The following EML6 variants were observed in gnomAD, a reference collection of about 807,000 sequenced individuals.
The protein encoded by EML6 is EMAP like 6.
Under a neutral mutation model 240.1 loss-of-function variants are expected in EML6, and 154 were observed. The ratio of observed to expected loss-of-function variants is 0.64; its 90% CI spans 0.56 to 0.73. The LOEUF (loss-of-function observed/expected upper bound fraction) is 0.73, where lower values mean the gene tolerates loss of function less well. EML6 is among the 30% of genes least tolerant of loss of function. The probability of loss-of-function intolerance (pLI) is 0.00; values close to 1 mark genes in which losing one functional copy is unlikely to be tolerated. For missense variants in EML6, 2,964 were observed against 2,474.6 expected, an observed-to-expected ratio of 1.20 and a Z score of -4.20; for synonymous variants, 1,148 against 899.0, an observed-to-expected ratio of 1.28 and a Z score of -4.95.
intron 24 of EML6, among the ~76,000 whole-genome samples, chr2:54,907,938 AG>A (rs1673422267): frequency 1.7e-5 from 1 of 58,586 alleles, no homozygotes; most frequent in Admixed American, 2.0e-4. Flanking sequence ...ATAGATAGAT[AG>A]ATAGATAAGA....
Position 54,967,066 on chromosome 2 carries a change from G to A in EML6, c.5560G>A (p.Val1854Met), listed in dbSNP as rs773601763. ...CCTGGGGAAGCAGGTAACTGAAGCC[G>A]TGGTCATTGAGAAGATCACCTGGGC... ...VPLGKQVTEA[V>M]VIEKITWASW... Residue 1854 changes from valine to methionine, a missense_variant, in exon 39 of 42, where the codon GTG becomes ATG. Physicochemically the swap from Val to Met is conservative, Grantham distance 21. Coordinates refer to ENST00000356458, the MANE Select transcript of EML6 (RefSeq NM_001039753.4). 4.1e-5 allele frequency: 63 copies of A among 1,551,320 alleles called. No homozygotes were observed. The highest frequency in any genetic ancestry group is 2.1e-4 in the African/African-American group (15 of 73,038).
chr2:54,961,184 G>GTTGTTTTTTTTTTTTTTTTTTTTTTT, intron 35 of EML6, among the ~76,000 whole-genome samples: 3,111 of 55,350 alleles, frequency 0.056, 1,190 homozygotes, highest in Middle Eastern at 0.068. Context: ...TCAGGAAGTA[G>GTTGTTTTTTTTTTTTTTTTTTTTTTT]TTTTTTTTTT....
intron 2 of EML6, among the ~76,000 whole-genome samples, chr2:54,811,415 A>G (rs1460484942): frequency 6.6e-6 from 1 of 152,288 alleles, no homozygotes; most frequent in East Asian, 1.9e-4. Flanking sequence ...CTTGTCTTTC[A>G]TATGAACTCG....
chr2:54,922,984 C>T (rs1269780493), intron 26 of EML6, among the ~76,000 whole-genome samples: 1 of 140,934 alleles, frequency 7.1e-6, no homozygotes, highest in Non-Finnish European at 1.5e-5. Flanking sequence ...TCTTGTTGCC[C>T]AGGCTGGAGT....
chr2:54,751,720 A>G (rs1162696073), intron 2 of EML6, among the ~76,000 whole-genome samples: 2 of 152,224 alleles, frequency 1.3e-5, no homozygotes, highest in East Asian at 3.9e-4. Flanking sequence ...GTTGGCACAC[A>G]GTAGCCTAAA....
At chr2:54,960,973 C>G (rs1440402876) in intron 35 of EML6, among the ~76,000 whole-genome samples, 3 of 152,024 alleles carry the variant, frequency 2.0e-5, no homozygotes, top group Admixed American at 6.6e-5. Context: ...CTCCAAACTT[C>G]TATTGAATAC....
intron 28 of EML6, among the ~76,000 whole-genome samples, chr2:54,937,477 T>G (rs1329959556): frequency 7.4e-6 from 1 of 135,400 alleles, no homozygotes; most frequent in Non-Finnish European, 1.5e-5. Context: ...CACTTGAGCC[T>G]GGGAGGTCAA....
At chr2:54,899,077 G>A (rs1322899034) in intron 21 of EML6, among the ~76,000 whole-genome samples, 4 of 152,156 alleles carry the variant, frequency 2.6e-5, no homozygotes, top group African/African-American at 7.2e-5. Flanking sequence ...GGGCTACACC[G>A]AGGACGCTTG....
chr2:54,818,057 GTTACTCTGCAT>G (rs2104087550), intron 4 of EML6, among the ~76,000 whole-genome samples: 1 of 152,198 alleles, frequency 6.6e-6, no homozygotes, highest in South Asian at 2.1e-4. Flanking sequence ...TTTTATCTGA[GTTACTCTGCAT>G]TTACTGCTTC....
intron 7 of EML6, among the ~76,000 whole-genome samples, chr2:54,832,855 A>G (rs1426963538): frequency 6.6e-6 from 1 of 152,098 alleles, no homozygotes; most frequent in East Asian, 1.9e-4. Flanking sequence ...CAGGCAGAGC[A>G]GTGTTAGACT....
chr2:54,776,814 T>A (rs890442199), intron 2 of EML6, among the ~76,000 whole-genome samples: 1 of 152,166 alleles, frequency 6.6e-6, no homozygotes, highest in Admixed American at 6.6e-5. Flanking sequence ...TACTGATACC[T>A]TGCTTTATAT....
At chr2:54,961,184 G>GTTGTTTTTTTTTTTTTTTTTTTTTGTTTT in intron 35 of EML6, among the ~76,000 whole-genome samples, 1 of 55,424 alleles carries the variant, frequency 1.8e-5, no homozygotes, top group Non-Finnish European at 3.2e-5. Context: ...TCAGGAAGTA[G>GTTGTTTTTTTTTTTTTTTTTTTTTGTTTT]TTTTTTTTTT....
intron 8 of EML6, among the ~76,000 whole-genome samples, chr2:54,844,500 A>G (rs1241064206): frequency 1.3e-5 from 2 of 152,176 alleles, no homozygotes; most frequent in South Asian, 2.1e-4. Context: ...TGGCTTCCAG[A>G]TCTTTCTAAT....
intron 2 of EML6, among the ~76,000 whole-genome samples, chr2:54,798,069 C>G (rs1325646164): frequency 1.3e-5 from 2 of 152,140 alleles, no homozygotes; most frequent in Non-Finnish European, 2.9e-5. Context: ...TGCAATGAAG[C>G]AATTTGAGGA....
rs1283205972 is a variant in EML6, at chr2:54,724,465, T to C, written c.-513-84T>C. 1.3e-5 allele frequency: 2 copies of C among 152,108 alleles called. No homozygotes were observed. Among genetic ancestry groups the C allele is most frequent in the Non-Finnish European group, 2.9e-5 (2 of 68,028 alleles). The allele number at this position is 152,108 out of a possible 1,614,324, so 9.4% of individuals were successfully genotyped here. A position where few individuals can be genotyped will look rare whatever the true frequency, so the allele number is the denominator to read the frequency against. ...ATTTTTAAAAATACCCAACTTGGTT[T>C]AGTTTGGGGATAATTTTCTTGGATT... On this transcript the variant is annotated intron_variant, in intron 1 of 41. Coordinates refer to ENST00000356458, the MANE Select transcript of EML6 (RefSeq NM_001039753.4). The surrounding 1 kb of genome is among the most constrained non-coding windows in gnomAD (Gnocchi z 5.2).
At chr2:54,797,166 A>AAAAAAAACAAAAAAAAAAAAAAC (rs1669836642) in intron 2 of EML6, among the ~76,000 whole-genome samples, 1 of 100,402 alleles carries the variant, frequency 1.0e-5, no homozygotes, top group Non-Finnish European at 2.3e-5. Context: ...CTCCATCTCA[A>AAAAAAAACAAAAAAAAAAAAAAC]AAAAAAAAAA....
intron 2 of EML6, among the ~76,000 whole-genome samples, chr2:54,796,728 C>T (rs974673414): frequency 7.2e-5 from 11 of 152,014 alleles, no homozygotes; most frequent in African/African-American, 2.4e-4. Flanking sequence ...ATCTACAAAG[C>T]GCCTACTTGG....
chr2:54,737,297 CT>C (rs1683441680), intron 2 of EML6, among the ~76,000 whole-genome samples: 1 of 152,032 alleles, frequency 6.6e-6, no homozygotes, highest in African/African-American at 2.4e-5. Context: ...CATATGTTTT[CT>C]TTTTGTTTTT....
At chr2:54,889,600 T>C (rs1672351109) in intron 17 of EML6, among the ~76,000 whole-genome samples, 1 of 152,070 alleles carries the variant, frequency 6.6e-6, no homozygotes, top group African/African-American at 2.4e-5. Context: ...AGTCACTGTA[T>C]ATACAAAGGT....
Sources: gnomAD v4.1 joint callset for allele counts (sites outside exome capture counted in the v4.1 genomes callset) on GRCh38, gnomAD v4.1.1 for gene constraint, Gnocchi (gnomAD v3.1) non-coding constraint, MANE v1.5 for transcripts, NCBI Gene and HGNC (gene_info 2026-07-23, HGNC 2026-07-21) for gene names.